NTM: variants seen among roughly 807,000 people sequenced by gnomAD.
NTM encodes the protein IgLON family member 2.
NTM carries 13 observed loss-of-function variants against 42.1 expected under a neutral mutation model. The ratio of observed to expected loss-of-function variants is 0.31; its 90% confidence interval spans 0.20 to 0.49. NTM has a LOEUF of 0.49. NTM is among the 20% of genes least tolerant of loss of function. NTM has a pLI of 0.99. For missense variants in NTM, 373 were observed against 452.8 expected, an observed-to-expected ratio of 0.82 and a Z score of 1.60; for synonymous variants, 187 against 179.2, an observed-to-expected ratio of 1.04 and a Z score of -0.35.
chr11:131,837,620 G>T (rs1190100484), intron 1 of NTM, among the ~76,000 whole-genome samples: 1 of 152,162 alleles, frequency 6.6e-6, no homozygotes, highest in East Asian at 1.9e-4. Context: ...GGTGGTCCCG[G>T]ATCCTCTGTT....
At chr11:132,108,553 A>G (rs1475951955) in intron 2 of NTM, among the ~76,000 whole-genome samples, 1 of 152,110 alleles carries the variant, frequency 6.6e-6, no homozygotes, top group Admixed American at 6.5e-5. Context: ...GGGGCGAGGA[A>G]CAAAAGACTA....
chr11:131,486,871 TA>T (rs1388290559), intron 1 of NTM, among the ~76,000 whole-genome samples: 1 of 152,180 alleles, frequency 6.6e-6, no homozygotes, highest in African/African-American at 2.4e-5. Context: ...AGCAGACGAA[TA>T]GCGGGATGCC....
rs58237274 is a variant in NTM, at chr11:131,589,167, ATG to A, written c.82+218313_82+218314del. 1.6e-3 allele frequency among the ~76,000 whole-genome samples: 228 copies of A among 143,430 alleles called. 1 individual carries two copies. Among genetic ancestry groups the A allele is most frequent in the African/African-American group, 2.1e-3 (82 of 38,274 alleles). The allele number at this position is 143,430 out of a possible 152,430, so 94.1% of individuals were successfully genotyped here. On this transcript the variant is annotated intron_variant, in intron 1 of 8. Coordinates refer to ENST00000683400, the MANE Select transcript of NTM (RefSeq NM_001352005.2). ...ACCATGCCACTCTTAACCTGGAAAA[ATG>A]TGTGTGTGTGTGTGTGTGTGTGTGT...
intron 1 of NTM, among the ~76,000 whole-genome samples, chr11:131,713,484 A>G (rs2077380796): frequency 6.6e-6 from 1 of 152,170 alleles, no homozygotes. Flanking sequence ...CGATTTTCTT[A>G]ACTTCTCTGG....
At chr11:131,459,969 C>A (rs549860948) in intron 1 of NTM, among the ~76,000 whole-genome samples, 61 of 152,026 alleles carry the variant, frequency 4.0e-4, no homozygotes, top group African/African-American at 1.1e-3. Flanking sequence ...TGTCTCAAAG[C>A]AGTAAAAGAA....
At chr11:132,273,497 C>A (rs1018154465) in intron 4 of NTM, among the ~76,000 whole-genome samples, 1 of 151,926 alleles carries the variant, frequency 6.6e-6, no homozygotes, top group African/African-American at 2.4e-5. Context: ...TAATAGGTAT[C>A]AGTTCTTCAA....
intron 2 of NTM, among the ~76,000 whole-genome samples, chr11:132,072,806 G>A (rs1049603855): frequency 2.6e-5 from 4 of 152,122 alleles, no homozygotes; most frequent in South Asian, 2.1e-4. Flanking sequence ...CTTATTTTAC[G>A]GTTGTGATTC....
chr11:131,522,197 C>T (rs1488513295), intron 1 of NTM, among the ~76,000 whole-genome samples: 2 of 152,054 alleles, frequency 1.3e-5, no homozygotes, highest in Non-Finnish European at 2.9e-5. Flanking sequence ...CCCCGGCTGA[C>T]TTTTGAGTGA....
chr11:131,889,354 G>A (rs2050888865), intron 1 of NTM, among the ~76,000 whole-genome samples: 1 of 152,164 alleles, frequency 6.6e-6, no homozygotes, highest in Admixed American at 6.5e-5. Context: ...GGGCCAGCCT[G>A]GGCTCTGATG....
chr11:131,550,773 C>G (rs1208636876), intron 1 of NTM, among the ~76,000 whole-genome samples: 1 of 152,142 alleles, frequency 6.6e-6, no homozygotes, highest in Non-Finnish European at 1.5e-5. Context: ...GAGCTTGAAG[C>G]TGTAATAAGC....
intron 1 of NTM, among the ~76,000 whole-genome samples, chr11:131,834,912 C>G (rs1000654622): frequency 6.6e-6 from 1 of 151,570 alleles, no homozygotes; most frequent in African/African-American, 2.4e-5. Flanking sequence ...TCATTATGGT[C>G]AGGGGTCAGG....
intron 1 of NTM, among the ~76,000 whole-genome samples, chr11:131,645,102 T>C (rs951916189): frequency 2.0e-5 from 3 of 152,158 alleles, no homozygotes; most frequent in African/African-American, 7.2e-5. Context: ...TTTAAGTGCA[T>C]TATTTATAGT....
Position 131,602,332 on chromosome 11 carries a change from G to A in NTM, c.82+231444G>A, listed in dbSNP as rs142966709. ...TAAGGACAGGGGTTTCCATCGCCAT[G>A]CAGTGCGGTGTTCAGAGCCTGGTCT... On this transcript the variant is annotated intron_variant, in intron 1 of 8. Coordinates refer to ENST00000683400, the MANE Select transcript of NTM (RefSeq NM_001352005.2). Among the ~76,000 whole-genome samples the A allele has an allele frequency of 7.2e-5, 11 of 152,256 alleles. No individual in the cohort carries two copies. The East Asian group carries it at 2.1e-3, about 29-fold the overall frequency.
chr11:132,065,506 T>C (rs1194338354), intron 2 of NTM, among the ~76,000 whole-genome samples: 1 of 152,188 alleles, frequency 6.6e-6, no homozygotes, highest in Admixed American at 6.5e-5. Flanking sequence ...TGTTCATATC[T>C]TTCTACCACT....
Position 131,789,557 on chromosome 11 carries a change from A to G in NTM, c.83-122007A>G, listed in dbSNP as rs1160595792. ...AGAAGAAGAAGAAGAAAAGAAGAAG[A>G]AGAAGAAGAAGAAGAAGAAGAAGAA... On this transcript the variant is annotated intron_variant, in intron 1 of 8. Transcript: ENST00000683400. Among the ~76,000 whole-genome samples, 9 of 19,530 alleles carry G rather than the reference A, an allele frequency of 4.6e-4. 1 individual carries two copies. The highest frequency in any genetic ancestry group is 2.6e-3 in the African/African-American group (9 of 3,454). The allele number at this position is 19,530 out of a possible 152,430, so 12.8% of individuals were successfully genotyped here.
intron 1 of NTM, among the ~76,000 whole-genome samples, chr11:131,716,773 T>C (rs2077734845): frequency 6.6e-6 from 1 of 152,192 alleles, no homozygotes; most frequent in Admixed American, 6.5e-5. Context: ...CTGAACTCTG[T>C]TTTATTTCAC....
chr11:131,761,784 G>C (rs1307099911), intron 1 of NTM, among the ~76,000 whole-genome samples: 1 of 151,048 alleles, frequency 6.6e-6, no homozygotes, highest in East Asian at 2.0e-4. Context: ...ACTCCAGCCT[G>C]GGCAATAAGA....
chr11:132,175,857 G>A (rs966348889), intron 3 of NTM, among the ~76,000 whole-genome samples: 1 of 152,194 alleles, frequency 6.6e-6, no homozygotes, highest in East Asian at 1.9e-4. Flanking sequence ...GAAAATTCTC[G>A]GGTTCCCCAT....
At chr11:131,640,191 G>A (rs1202633880) in intron 1 of NTM, among the ~76,000 whole-genome samples, 2 of 151,974 alleles carry the variant, frequency 1.3e-5, no homozygotes, top group Non-Finnish European at 2.9e-5. Context: ...ATCTTCAAAG[G>A]GTTTCCTTAA....
Sources: gnomAD v4.1 joint callset for allele counts (sites outside exome capture counted in the v4.1 genomes callset) on GRCh38, gnomAD v4.1.1 for gene constraint, MANE v1.5 for transcripts, NCBI Gene and HGNC (gene_info 2026-07-23, HGNC 2026-07-21) for gene names.